The following RHOBTB1 variants were observed in gnomAD, a reference collection of about 807,000 sequenced individuals.
RHOBTB1 encodes the protein Rho related BTB domain containing 1.
A neutral mutation model predicts 71.6 loss-of-function variants in RHOBTB1; 40 were observed. The observed-to-expected ratio is 0.56, with a 90% CI of 0.43 to 0.73. The LOEUF is 0.73. Ranked by LOEUF, RHOBTB1 falls within the 30% of genes least tolerant of loss-of-function variation. The pLI, the probability that RHOBTB1 is intolerant of heterozygous loss-of-function variation, is 0.00. For missense variants in RHOBTB1, 797 were observed against 894.0 expected (o/e 0.89, Z 1.38); for synonymous variants, 319 against 334.9 (o/e 0.95, Z 0.52).
At chr10:60,976,900 C>T (rs2086335563) in intron 2 of RHOBTB1, among the ~76,000 whole-genome samples, 1 of 151,948 alleles carries the variant, frequency 6.6e-6, no homozygotes, top group South Asian at 2.1e-4. Flanking sequence ...ATCATCTGCG[C>T]CTTTGACAGC....
chr10:60,876,532 C>G (rs1430071857), intron 8 of RHOBTB1, among the ~76,000 whole-genome samples: 6 of 152,104 alleles, frequency 3.9e-5, no homozygotes, highest in Non-Finnish European at 7.4e-5. Context: ...TTACATTTGA[C>G]AGTTTCAAAA....
At chr10:60,872,342 A>G in intron 9 of RHOBTB1, 52 bp from the exon 10 acceptor site, 1 of 1,318,908 alleles carries the variant, frequency 7.6e-7, no homozygotes, top group East Asian at 2.3e-5. Flanking sequence ...AAGAGGGGCT[A>G]CAAAGAAATT....
chr10:60,996,594 G>T (rs1189855522), intron 1 of RHOBTB1, among the ~76,000 whole-genome samples: 1 of 152,104 alleles, frequency 6.6e-6, no homozygotes, highest in African/African-American at 2.4e-5. Flanking sequence ...GGTTATGCGA[G>T]GGCTGTTGGA....
At position 60,924,512 on chromosome 10, in the gene RHOBTB1, AAGAG is replaced by A. The variant is rs148672891; in HGVS notation, c.-10-12964_-10-12961del. 4.7e-3 allele frequency among the ~76,000 whole-genome samples: 712 copies of A among 151,160 alleles called. 12 individuals carry two copies. The highest frequency in any genetic ancestry group is 0.017 in the African/African-American group (682 of 41,330). On this transcript the variant is annotated intron_variant, in intron 2 of 10. Transcript: ENST00000337910. ...TATAAGGCAAATATTATTAGAGCTA[AAGAG>A]AGAGAGAGAGAGACCCTGATATAGT...
At chr10:60,891,201 A>AATTTAG (rs2081897653) in intron 5 of RHOBTB1, among the ~76,000 whole-genome samples, 1 of 151,992 alleles carries the variant, frequency 6.6e-6, no homozygotes, top group Non-Finnish European at 1.5e-5. Flanking sequence ...TACCTAGAAC[A>AATTTAG]TCAGAAATTG....
At chr10:60,873,003 T>C (rs576045246) in intron 9 of RHOBTB1, among the ~76,000 whole-genome samples, 18 of 152,330 alleles carry the variant, frequency 1.2e-4, no homozygotes, top group African/African-American at 4.3e-4. Context: ...TGTCTGTCGC[T>C]CTTGATGTTT....
At chr10:60,988,715 C>A (rs2134920223) in intron 1 of RHOBTB1, among the ~76,000 whole-genome samples, 1 of 152,210 alleles carries the variant, frequency 6.6e-6, no homozygotes, top group Middle Eastern at 3.4e-3. Context: ...CTGATGGGCA[C>A]CTAGGTTGAT....
chr10:60,875,758 A>G (rs545815587), intron 8 of RHOBTB1, among the ~76,000 whole-genome samples: 1 of 152,322 alleles, frequency 6.6e-6, no homozygotes, highest in South Asian at 2.1e-4. Flanking sequence ...ACAAAAATGC[A>G]GTAGGAAGAG....
At chr10:60,865,775 C>T (rs1316121736), downstream of RHOBTB1, among the ~76,000 whole-genome samples, 6 of 152,170 alleles carry the variant, frequency 3.9e-5, no homozygotes, top group Admixed American at 2.6e-4. Flanking sequence ...TCCCTTCCCA[C>T]ACATGCCTAT....
chr10:60,980,855 A>G (rs1448052164), intron 2 of RHOBTB1, among the ~76,000 whole-genome samples: 2 of 152,156 alleles, frequency 1.3e-5, no homozygotes, highest in African/African-American at 4.8e-5. Flanking sequence ...AAAGTGTCAA[A>G]TTTCATAGTA....
intron 1 of RHOBTB1, among the ~76,000 whole-genome samples, chr10:60,942,523 A>G (rs2084954857): frequency 6.6e-6 from 1 of 152,222 alleles, no homozygotes; most frequent in African/African-American, 2.4e-5. Flanking sequence ...TTTTCCCATT[A>G]ATATGTCCAA....
chr10:61,001,375 C>G (rs1270482619), intron 1 of RHOBTB1: 1 of 151,900 alleles, frequency 6.6e-6, no homozygotes, highest in Non-Finnish European at 1.5e-5. Flanking sequence ...CCCGCCCCGC[C>G]ACGCCCCGCG....
At chr10:60,898,955 G>T (rs189598207) in intron 4 of RHOBTB1, among the ~76,000 whole-genome samples, 1 of 152,110 alleles carries the variant, frequency 6.6e-6, no homozygotes. Flanking sequence ...GGCAAAAACC[G>T]CAATTACGTT....
Position 60,871,410 on chromosome 10 carries a change from T to C in RHOBTB1, c.*72A>G, listed in dbSNP as rs897304014. 4.0e-6 allele frequency: 6 copies of C among 1,482,024 alleles called. No homozygotes were observed. Among genetic ancestry groups the C allele is most frequent in the East Asian group, 2.3e-5 (1 of 44,116 alleles). The allele number at this position is 1,482,024 out of a possible 1,614,324, so 91.8% of individuals were successfully genotyped here. On this transcript the variant is annotated 3_prime_UTR_variant, in exon 11 of 11. Coordinates refer to ENST00000337910, the MANE Select transcript of RHOBTB1 (RefSeq NM_014836.5). ...CGTATCTCTAACAAGACGAATTTTA[T>C]AGTAGTGCTTTGAAAAGTGGTGGAT...
chr10:60,987,820 C>T (rs2134902616), intron 1 of RHOBTB1, among the ~76,000 whole-genome samples: 1 of 152,036 alleles, frequency 6.6e-6, no homozygotes, highest in South Asian at 2.1e-4. Context: ...AACCATCTCC[C>T]CTCACTATCA....
chr10:60,865,692 A>G (rs998288404), downstream of RHOBTB1, among the ~76,000 whole-genome samples: 1 of 152,196 alleles, frequency 6.6e-6, no homozygotes, highest in Admixed American at 6.5e-5. Flanking sequence ...AGGCTGGCCC[A>G]TAGCCTTTCA....
intron 2 of RHOBTB1, among the ~76,000 whole-genome samples, chr10:60,913,371 C>T (rs147481682): frequency 2.8e-4 from 42 of 152,288 alleles, no homozygotes; most frequent in African/African-American, 9.6e-4. Flanking sequence ...ACCTGTCCAC[C>T]TGACACATAC....
downstream of RHOBTB1, among the ~76,000 whole-genome samples, chr10:60,865,630 G>A (rs1042875067): frequency 3.9e-5 from 6 of 152,172 alleles, no homozygotes; most frequent in African/African-American, 1.4e-4. Flanking sequence ...CTCTCAGATG[G>A]CAGGAAGCTA....
At position 61,000,541 on chromosome 10, in the gene RHOBTB1, A is replaced by G. The variant is rs2087225927; in HGVS notation, c.-163+858T>C. On this transcript the variant is annotated intron_variant, in intron 1 of 11. Coordinates refer to the RHOBTB1 transcript ENST00000357917. ...TACGGTAAACTTAGTTTCGAATTCA[A>G]ATTCTAACAATGCCACACCTGCTGG... Among the ~76,000 whole-genome samples, 3 of 152,280 alleles carry G rather than the reference A, an allele frequency of 2.0e-5. No individual in the cohort carries two copies. The East Asian group carries it at 5.8e-4, about 29-fold the overall frequency.
Sources: allele counts gnomAD v4.1 joint callset (sites outside exome capture counted in the v4.1 genomes callset), GRCh38; gene constraint gnomAD v4.1.1; transcripts MANE v1.5; gene names NCBI Gene and HGNC (gene_info 2026-07-23, HGNC 2026-07-21).